Variants in NAPEPLD observed in about 807,000 individuals in gnomAD.
NAPEPLD encodes N-acyl phosphatidylethanolamine phospholipase D.
NAPEPLD carries 23 observed loss-of-function variants against 38.1 expected under a neutral mutation model. The ratio of observed to expected loss-of-function variants is 0.60; its 90% CI spans 0.43 to 0.86. NAPEPLD has a LOEUF of 0.86. NAPEPLD is among the 40% of genes least tolerant of loss of function. NAPEPLD has a pLI of 0.00. For synonymous variants in NAPEPLD, 147 were observed against 162.0 expected (o/e 0.91, Z 0.71); for missense variants, 411 against 476.8 (o/e 0.86, Z 1.28).
intron 3 of NAPEPLD, among the ~76,000 whole-genome samples, chr7:103,115,693 C>T (rs151317956): frequency 0.012 from 1,858 of 152,222 alleles, 23 homozygotes; most frequent in Non-Finnish European, 0.019. Flanking sequence ...TGCTGGCCAG[C>T]AATTTTTTTT....
intron 2 of NAPEPLD, chr7:103,127,897 A>G (rs1021823730): frequency 6.5e-6 from 1 of 152,696 alleles, no homozygotes; most frequent in African/African-American, 2.4e-5. Context: ...AAGAAGGCCA[A>G]GTAGAATCAT....
chr7:103,116,471 T>C (rs1202872048), intron 3 of NAPEPLD, among the ~76,000 whole-genome samples: 1 of 152,188 alleles, frequency 6.6e-6, no homozygotes, highest in East Asian at 1.9e-4. Flanking sequence ...AACTGAATAA[T>C]TGGTAAAGAA....
At chr7:103,104,017 G>T (rs1302967335) in intron 4 of NAPEPLD, among the ~76,000 whole-genome samples, 1 of 152,138 alleles carries the variant, frequency 6.6e-6, no homozygotes, top group African/African-American at 2.4e-5. Flanking sequence ...TCCTCAAAAA[G>T]TCTAGTCACA....
At chr7:103,129,457 A>C (rs1808491155) in intron 1 of NAPEPLD, among the ~76,000 whole-genome samples, 1 of 152,224 alleles carries the variant, frequency 6.6e-6, no homozygotes, top group South Asian at 2.1e-4. Flanking sequence ...GTATTTAGAA[A>C]ACATTATTGT....
chr7:103,132,959 C>T (rs907937866), intron 1 of NAPEPLD, among the ~76,000 whole-genome samples: 3 of 152,200 alleles, frequency 2.0e-5, no homozygotes, highest in Non-Finnish European at 4.4e-5. Context: ...AAACAGGTCT[C>T]ATTACCAAAT....
chr7:103,143,113 C>T (rs974193855), intron 1 of NAPEPLD, among the ~76,000 whole-genome samples: 105 of 151,954 alleles, frequency 6.9e-4, no homozygotes, highest in African/African-American at 2.5e-3. Flanking sequence ...AAAAATTAGC[C>T]AGGTGTGGCG....
intron 1 of NAPEPLD, among the ~76,000 whole-genome samples, chr7:103,143,195 C>G (rs1811838635): frequency 6.6e-6 from 1 of 151,962 alleles, no homozygotes; most frequent in South Asian, 2.1e-4. Context: ...CCACTGCACT[C>G]CAGCCTGGGT....
intron 1 of NAPEPLD, among the ~76,000 whole-genome samples, chr7:103,148,326 A>C (rs938739771): frequency 2.6e-5 from 4 of 152,274 alleles, no homozygotes; most frequent in Admixed American, 1.3e-4. Flanking sequence ...ACAAGAACTA[A>C]ATGACTTTTT....
intron 1 of NAPEPLD, among the ~76,000 whole-genome samples, chr7:103,148,298 C>G (rs780645211): frequency 6.6e-6 from 1 of 151,798 alleles, no homozygotes; most frequent in Admixed American, 6.6e-5. Flanking sequence ...TATATAACAA[C>G]GTACAGTAAA....
intron 2 of NAPEPLD, among the ~76,000 whole-genome samples, chr7:103,125,787 TGAGGCAGAAGAATCACTTGAACCCGG>T (rs1462092366): frequency 6.6e-6 from 1 of 152,070 alleles, no homozygotes; most frequent in East Asian, 1.9e-4. Context: ...CTCACAAGGC[TGAGGCAGAAGAATCACTTGAACCCGG>T]GAGGCAGAGG....
At chr7:103,121,420 T>C (rs1806675912) in intron 2 of NAPEPLD, among the ~76,000 whole-genome samples, 2 of 152,252 alleles carry the variant, frequency 1.3e-5, no homozygotes, top group Middle Eastern at 3.4e-3. Flanking sequence ...CATGTATGTG[T>C]TCAGGCTGCA....
At chr7:103,135,672 T>C (rs1246028035) in intron 1 of NAPEPLD, among the ~76,000 whole-genome samples, 1 of 152,140 alleles carries the variant, frequency 6.6e-6, no homozygotes, top group Non-Finnish European at 1.5e-5. Flanking sequence ...TGACAACATT[T>C]AATAATAATT....
intron 1 of NAPEPLD, among the ~76,000 whole-genome samples, chr7:103,147,031 A>G (rs2129538132): frequency 1.3e-5 from 2 of 152,358 alleles, no homozygotes; most frequent in Middle Eastern, 6.8e-3. Context: ...GACTATCTCT[A>G]ACATAAAACT....
At chr7:103,134,989 T>C (rs1205280466) in intron 1 of NAPEPLD, among the ~76,000 whole-genome samples, 1 of 152,224 alleles carries the variant, frequency 6.6e-6, no homozygotes, top group Non-Finnish European at 1.5e-5. Context: ...CTGCCTAGAA[T>C]TCAATGCACT....
intron 1 of NAPEPLD, among the ~76,000 whole-genome samples, chr7:103,143,046 A>G (rs561648419): frequency 1.5e-4 from 21 of 143,838 alleles, no homozygotes; most frequent in African/African-American, 5.6e-4. Flanking sequence ...CAACATAGTG[A>G]GACTCTGTCT....
chr7:103,119,487 T>C (rs927552108), intron 3 of NAPEPLD, 90 bp downstream of exon 3: 1 of 1,421,810 alleles, frequency 7.0e-7, no homozygotes, highest in Admixed American at 2.3e-5. Context: ...AAATCATAAA[T>C]TACAGTGTCA....
intron 3 of NAPEPLD, among the ~76,000 whole-genome samples, chr7:103,116,876 G>GAA (rs1805681602): frequency 6.6e-6 from 1 of 152,068 alleles, no homozygotes; most frequent in African/African-American, 2.4e-5. Context: ...ATTATGTGAG[G>GAA]GTATTGTGAG....
upstream of NAPEPLD, chr7:103,149,594 C>A (rs1813313491): frequency 2.4e-6 from 2 of 831,244 alleles, no homozygotes; most frequent in Admixed American, 4.6e-5. Context: ...AAGATGGCCG[C>A]CCCTGTGGGC....
At chr7:103,104,518 G>A (rs1269997682) in intron 4 of NAPEPLD, among the ~76,000 whole-genome samples, 1 of 152,142 alleles carries the variant, frequency 6.6e-6, no homozygotes, top group Non-Finnish European at 1.5e-5. Context: ...GCACAGGTTT[G>A]GTAACAGTTG....
Sources: gnomAD v4.1 joint callset for allele counts (sites outside exome capture counted in the v4.1 genomes callset) on GRCh38, gnomAD v4.1.1 for gene constraint, MANE v1.5 for transcripts, NCBI Gene and HGNC (gene_info 2026-07-23, HGNC 2026-07-21) for gene names.